The following LRRC38 variants were observed in gnomAD, a reference collection of about 807,000 sequenced individuals.
LRRC38 encodes leucine rich repeat containing 38, also known as leucine-rich repeat-containing protein 38.
In LRRC38, 5 loss-of-function variants were observed where a neutral mutation model predicts 16.4. The ratio of observed to expected loss-of-function variants is 0.31; its 90% CI spans 0.16 to 0.64. The LOEUF is 0.64. LRRC38 is among the 30% of genes least tolerant of loss of function. The pLI is 0.80. For synonymous variants in LRRC38, 191 were observed against 190.2 expected (o/e 1.00, Z -0.04); for missense variants, 341 against 401.8 (o/e 0.85, Z 1.29).
chr1:13,497,962 C>CAAAAAAAAAA (rs370605050), intron 1 of LRRC38, among the ~76,000 whole-genome samples: 18 of 68,976 alleles, frequency 2.6e-4, no homozygotes, highest in African/African-American at 1.0e-3. Flanking sequence ...AACTCCATCA[C>CAAAAAAAAAA]AAAAAAAAAA....
At chr1:13,512,907 G>A (rs1475024301) in intron 1 of LRRC38, 56 bp downstream of exon 1, 1 of 1,402,702 alleles carries the variant, frequency 7.1e-7, no homozygotes, top group Non-Finnish European at 9.6e-7. Flanking sequence ...TGGGGTCTGG[G>A]GTGGCCTCTC....
chr1:13,507,291 G>A (rs1639224879), intron 1 of LRRC38, among the ~76,000 whole-genome samples: 1 of 152,128 alleles, frequency 6.6e-6, no homozygotes, highest in South Asian at 2.1e-4. Context: ...CAACTCTAAG[G>A]GACAAGTTAA....
At chr1:13,507,768 G>T (rs1639230020) in intron 1 of LRRC38, among the ~76,000 whole-genome samples, 1 of 152,034 alleles carries the variant, frequency 6.6e-6, no homozygotes, top group African/African-American at 2.4e-5. Context: ...GGAGGTGGAG[G>T]TTGCAGTGAG....
intron 1 of LRRC38, among the ~76,000 whole-genome samples, chr1:13,508,133 A>G (rs1485317921): frequency 6.6e-6 from 1 of 151,978 alleles, no homozygotes; most frequent in Non-Finnish European, 1.5e-5. Flanking sequence ...GCTACTGGGG[A>G]GGCTGAGGCA....
At chr1:13,505,407 C>T (rs900316753) in intron 1 of LRRC38, among the ~76,000 whole-genome samples, 4 of 152,162 alleles carry the variant, frequency 2.6e-5, no homozygotes, top group Non-Finnish European at 4.4e-5. Context: ...GAAGGCAATC[C>T]GGATATGCTT....
At chr1:13,490,985 A>G (rs918619912) in intron 1 of LRRC38, among the ~76,000 whole-genome samples, 1 of 152,220 alleles carries the variant, frequency 6.6e-6, no homozygotes, top group Non-Finnish European at 1.5e-5. Flanking sequence ...ATTGGGAAGT[A>G]ATATTTCTAG....
chr1:13,483,118 C>T (rs987206986), intron 1 of LRRC38, among the ~76,000 whole-genome samples: 4 of 152,016 alleles, frequency 2.6e-5, no homozygotes, highest in African/African-American at 7.2e-5. Flanking sequence ...CAAGCTCCCT[C>T]GAGGCACAGT....
At chr1:13,512,920 T>TTCCC in intron 1 of LRRC38, 43 bp downstream of exon 1, 10 of 1,269,018 alleles carry the variant, frequency 7.9e-6, no homozygotes, top group South Asian at 2.7e-5. Flanking sequence ...GGCCTCTCCC[T>TTCCC]GCCCCCCTCC....
intron 1 of LRRC38, among the ~76,000 whole-genome samples, chr1:13,507,928 G>A (rs919422991): frequency 6.6e-6 from 1 of 150,532 alleles, no homozygotes; most frequent in East Asian, 2.0e-4. Flanking sequence ...ATGCATTCAG[G>A]GGTTTAAAAA....
In LRRC38 at chr1:13,513,005, G is replaced by A; in HGVS notation, c.589C>T (p.Leu197Phe). Residue 197 changes from leucine to phenylalanine, a missense_variant, in exon 1 of 2, where the codon CTC (leucine) becomes TTC (phenylalanine). Transcript: ENST00000376085. Reference protein sequence around the residue: ...PWLCDCDFAHLFSWIQENASK... With the variant: ...PWLCDCDFAHFFSWIQENASK... ...GCGTTCTCCTGGATCCAGGAGAAGA[G>A]GTGGGCGAAGTCACAGTCGCACAGC... 14 of 1,548,620 alleles carry A rather than the reference G, an allele frequency of 9.0e-6. No individual in the cohort carries two copies. The highest frequency in any genetic ancestry group is 1.2e-5 in the Non-Finnish European group (14 of 1,146,090).
chr1:13,483,217 T>A (rs1638890789), intron 1 of LRRC38, among the ~76,000 whole-genome samples: 1 of 151,952 alleles, frequency 6.6e-6, no homozygotes, highest in Admixed American at 6.6e-5. Context: ...AGTTGTGTGA[T>A]CTCGGCTCAC....
chr1:13,503,551 G>A (rs1427243061), intron 1 of LRRC38, among the ~76,000 whole-genome samples: 3 of 152,214 alleles, frequency 2.0e-5, no homozygotes, highest in South Asian at 4.1e-4. Context: ...TTACAGGCGT[G>A]AGCCACCACG....
chr1:13,476,479 C>T (rs1198112533), intron 1 of LRRC38, among the ~76,000 whole-genome samples: 2 of 152,108 alleles, frequency 1.3e-5, no homozygotes, highest in Non-Finnish European at 2.9e-5. Context: ...CAGGTGTGCA[C>T]CGCCACACCT....
At chr1:13,507,884 C>G (rs1569939374) in intron 1 of LRRC38, among the ~76,000 whole-genome samples, 1 of 151,356 alleles carries the variant, frequency 6.6e-6, no homozygotes, top group African/African-American at 2.4e-5. Context: ...CACCTGTACT[C>G]TCTGCTAATG....
chr1:13,499,479 G>C (rs1639121353), intron 1 of LRRC38, among the ~76,000 whole-genome samples: 1 of 152,128 alleles, frequency 6.6e-6, no homozygotes, highest in South Asian at 2.1e-4. Flanking sequence ...GGGGTAACAG[G>C]GAGACACAAT....
At chr1:13,507,028 G>A (rs928803380) in intron 1 of LRRC38, among the ~76,000 whole-genome samples, 10 of 152,192 alleles carry the variant, frequency 6.6e-5, no homozygotes, top group East Asian at 1.9e-4. Flanking sequence ...AGCAAAAAGC[G>A]TTCCCTTTGA....
chr1:13,497,399 T>G (rs1380476516), intron 1 of LRRC38, among the ~76,000 whole-genome samples: 1 of 152,140 alleles, frequency 6.6e-6, no homozygotes, highest in African/African-American at 2.4e-5. Context: ...GACACTACTT[T>G]TGGGTTCTCA....
At chr1:13,495,600 T>G (rs1465805476) in intron 1 of LRRC38, among the ~76,000 whole-genome samples, 1 of 151,922 alleles carries the variant, frequency 6.6e-6, no homozygotes. Flanking sequence ...AGAACCAGGA[T>G]AGGAACGCCA....
chr1:13,503,568 C>A (rs1639175450), intron 1 of LRRC38, among the ~76,000 whole-genome samples: 1 of 152,188 alleles, frequency 6.6e-6, no homozygotes, highest in Non-Finnish European at 1.5e-5. Context: ...CACGCCCAGC[C>A]CATTCTAAAT....
Sources: gnomAD v4.1 joint callset for allele counts (sites outside exome capture counted in the v4.1 genomes callset) on GRCh38, gnomAD v4.1.1 for gene constraint, MANE v1.5 for transcripts, NCBI Gene and HGNC (gene_info 2026-07-23, HGNC 2026-07-21) for gene names.